LRRC53: variants seen among roughly 807,000 people sequenced by gnomAD.
LRRC53 encodes leucine rich repeat containing 53.
LRRC53 carries 25 observed loss-of-function variants against 13.6 expected under a neutral mutation model. The observed-to-expected ratio is 1.83, with a 90% confidence interval of 1.34 to 2.56. The LOEUF (loss-of-function observed/expected upper bound fraction) is 2.56. Among genes scored for constraint, LRRC53 ranks in the 30% most tolerant of loss-of-function variants. LRRC53 has a pLI of 0.00. For synonymous variants in LRRC53, 204 were observed against 109.8 expected (o/e 1.86, Z -5.37); for missense variants, 527 against 275.8 (o/e 1.91, Z -6.45).
chr1:74,519,839 T>G, the LRRC53 span, among the ~76,000 whole-genome samples: 1 of 152,134 alleles, frequency 6.6e-6, no homozygotes, highest in African/African-American at 2.4e-5. Context: ...GAAGATTGAA[T>G]AGTCCACAGG....
At chr1:74,521,516 G>GTATA in the LRRC53 span, among the ~76,000 whole-genome samples, 98 of 150,620 alleles carry the variant, frequency 6.5e-4, 1 homozygote, top group African/African-American at 2.1e-3. Flanking sequence ...GTGTGTATGT[G>GTATA]TATATATATA....
chr1:74,482,835 G>A (rs1036305017), intron 2 of LRRC53, among the ~76,000 whole-genome samples: 7 of 152,138 alleles, frequency 4.6e-5, no homozygotes, highest in African/African-American at 1.2e-4. Context: ...AAAATGAGAC[G>A]CACTTTGATA....
the LRRC53 span, among the ~76,000 whole-genome samples, chr1:74,527,233 G>T: frequency 6.6e-6 from 1 of 152,202 alleles, no homozygotes; most frequent in Non-Finnish European, 1.5e-5. Context: ...TCCTTGAGCA[G>T]TGGCTAAAGA....
chr1:74,523,923 T>C, the LRRC53 span, among the ~76,000 whole-genome samples: 7 of 150,182 alleles, frequency 4.7e-5, no homozygotes, highest in African/African-American at 1.7e-4. Context: ...ATCCCTCCCC[T>C]TTCCCCCCAC....
intron 1 of LRRC53, among the ~76,000 whole-genome samples, chr1:74,484,421 G>T (rs1216951642): frequency 6.6e-6 from 1 of 152,158 alleles, no homozygotes; most frequent in Non-Finnish European, 1.5e-5. Context: ...CCCTTGTGAA[G>T]TGTACTTTCT....
intron 1 of LRRC53, among the ~76,000 whole-genome samples, chr1:74,508,385 A>T (rs965057147): frequency 3.9e-5 from 6 of 152,228 alleles, no homozygotes; most frequent in African/African-American, 1.4e-4. Context: ...TTTAATCTTC[A>T]TAAAAATAAA....
At chr1:74,527,410 G>T in the LRRC53 span, among the ~76,000 whole-genome samples, 1 of 152,182 alleles carries the variant, frequency 6.6e-6, no homozygotes, top group East Asian at 1.9e-4. Flanking sequence ...GTAGAAAATA[G>T]GAAACACAAG....
the LRRC53 span, among the ~76,000 whole-genome samples, chr1:74,533,905 A>C: frequency 1.3e-5 from 2 of 152,196 alleles, no homozygotes; most frequent in African/African-American, 4.8e-5. Flanking sequence ...GTTTTAGTAG[A>C]AAGAGTATGG....
chr1:74,528,630 C>A, the LRRC53 span, among the ~76,000 whole-genome samples: 1 of 152,188 alleles, frequency 6.6e-6, no homozygotes, highest in Non-Finnish European at 1.5e-5. Flanking sequence ...AGAATGAAAA[C>A]TAGAGTCAAC....
At chr1:74,530,093 G>C in the LRRC53 span, among the ~76,000 whole-genome samples, 1 of 152,144 alleles carries the variant, frequency 6.6e-6, no homozygotes. Context: ...GCCTCCCAAA[G>C]TGCTGGGATT....
the LRRC53 span, among the ~76,000 whole-genome samples, chr1:74,528,860 A>T: frequency 6.6e-6 from 1 of 152,210 alleles, no homozygotes; most frequent in Admixed American, 6.5e-5. Flanking sequence ...GAAACAAGGC[A>T]CTTGAAGAAA....
chr1:74,501,850 G>C (rs939462339), intron 1 of LRRC53, among the ~76,000 whole-genome samples: 1 of 151,952 alleles, frequency 6.6e-6, no homozygotes, highest in Non-Finnish European at 1.5e-5. Context: ...TTGTATGTGG[G>C]CTGGCAGATG....
intron 1 of LRRC53, among the ~76,000 whole-genome samples, chr1:74,508,693 G>T (rs927498103): frequency 1.1e-4 from 17 of 152,184 alleles, no homozygotes; most frequent in African/African-American, 4.1e-4. Flanking sequence ...CCAACCCGGG[G>T]CATATGTCTG....
intron 1 of LRRC53, among the ~76,000 whole-genome samples, chr1:74,486,353 CGTT>C (rs1570686604): frequency 1.3e-5 from 2 of 151,912 alleles, no homozygotes; most frequent in Admixed American, 6.6e-5. Context: ...CAGAGTTTCT[CGTT>C]GTTTTCTGTA....
At chr1:74,508,746 T>G (rs545212321) in intron 1 of LRRC53, among the ~76,000 whole-genome samples, 2 of 152,244 alleles carry the variant, frequency 1.3e-5, no homozygotes, top group South Asian at 4.1e-4. Flanking sequence ...GCTGATAACA[T>G]AAGTGGGAGT....
intron 4 of LRRC53, among the ~76,000 whole-genome samples, chr1:74,474,764 G>A (rs895159919): frequency 2.0e-5 from 3 of 152,118 alleles, no homozygotes; most frequent in Non-Finnish European, 4.4e-5. Flanking sequence ...AATGAATTAA[G>A]TCCTGACTTT....
intron 2 of LRRC53, among the ~76,000 whole-genome samples, chr1:74,481,753 G>T (rs549304669): frequency 6.6e-6 from 1 of 152,296 alleles, no homozygotes; most frequent in South Asian, 2.1e-4. Context: ...ACTCAATAAA[G>T]AAGTATTATA....
In LRRC53 at chr1:74,492,266, G is replaced by A. The variant is rs145302449; in HGVS notation, c.-26-8891C>T. Reference sequence around the variant, plus strand: ...AGGTCCTATGCTGCTTTGTCCCAAAGGTGAGTGGTAATATAAGCAAATCTC... The same window carrying A: ...AGGTCCTATGCTGCTTTGTCCCAAAAGTGAGTGGTAATATAAGCAAATCTC... On this transcript the variant is annotated intron_variant, in intron 1 of 4. Transcript: ENST00000294635. 4.0e-4 allele frequency: 614 copies of A among 1,534,898 alleles called. 4 individuals are homozygous for A. The highest frequency in any genetic ancestry group is 1.9e-5 in the Non-Finnish European group (21 of 1,129,392).
At chr1:74,530,276 A>T in the LRRC53 span, among the ~76,000 whole-genome samples, 1 of 152,246 alleles carries the variant, frequency 6.6e-6, no homozygotes, top group Non-Finnish European at 1.5e-5. Flanking sequence ...ATATAGCCAT[A>T]ACTTTGAGAA....
Sources: gnomAD v4.1 joint callset for allele counts (sites outside exome capture counted in the v4.1 genomes callset) on GRCh38, gnomAD v4.1.1 for gene constraint, MANE v1.5 for transcripts, NCBI Gene and HGNC (gene_info 2026-07-23, HGNC 2026-07-21) for gene names.